TACO1: variants seen among roughly 807,000 people sequenced by gnomAD.
TACO1 encodes the protein translational activator of cytochrome c oxidase I.
TACO1 carries 13 observed loss-of-function variants against 24.0 expected under a neutral mutation model. The ratio of observed to expected loss-of-function variants is 0.54; its 90% CI spans 0.35 to 0.86. The LOEUF (loss-of-function observed/expected upper bound fraction) is 0.86, where lower values mean the gene tolerates loss of function less well. TACO1 is among the 40% of genes least tolerant of loss of function. The pLI, the probability that TACO1 is intolerant of heterozygous loss-of-function variation, is 0.01. For missense variants in TACO1, 352 were observed against 380.1 expected (o/e 0.93, Z 0.61); for synonymous variants, 149 against 153.5 (o/e 0.97, Z 0.22).
In TACO1 at chr17:63,606,130, G is replaced by A. The variant is rs75027204; in HGVS notation, c.388-183G>A. Among the ~76,000 whole-genome samples, 1,246 of 152,238 alleles carry A rather than the reference G, an allele frequency of 8.2e-3. 18 individuals are homozygous for A. Among genetic ancestry groups the A allele is most frequent in the Middle Eastern group, 0.031 (9 of 294 alleles). ...AGAAACAGACTCCTTCCAAGTTAGG[G>A]GTAGTACTTCCTGTTACCTCAAAAG... On this transcript the variant is annotated intron_variant, in intron 2 of 4. Transcript: ENST00000258975.
At chr17:63,605,607 G>A (rs974290676) in intron 2 of TACO1, among the ~76,000 whole-genome samples, 5 of 152,202 alleles carry the variant, frequency 3.3e-5, no homozygotes, top group African/African-American at 1.2e-4. Flanking sequence ...TTTAGAGCCT[G>A]TGCTCTAACC....
Position 63,608,078 on chromosome 17 carries a change from C to A in TACO1, c.*76C>A. The A allele has an allele frequency of 6.5e-7, 1 of 1,538,354 alleles. No individual in the cohort carries two copies. Among genetic ancestry groups the A allele is most frequent in the South Asian group, 1.1e-5 (1 of 88,122 alleles). On this transcript the variant is annotated 3_prime_UTR_variant, in exon 5 of 5. Transcript: ENST00000258975. ...CCAGCACACAGGCTTCTGCAGCAAT[C>A]TCTGAGGGTAAAGCCGGTGGGAGGC...
Position 63,607,302 on chromosome 17 carries a change from A to G in TACO1, c.531A>G (p.Val177=). Residue 177 remains valine, a synonymous_variant, in exon 4 of 5, where the codon GTA becomes GTG. Transcript: ENST00000258975. ...TCCCTGTCAGAGGAGTGATGGCTGT[A>G]GGAGCTCGTCACTCTTTTGACAAAA... ...ILNKNGGVMA[V]GARHSFDKKG... 1.2e-6 allele frequency: 2 copies of G among 1,613,842 alleles called. No homozygotes were observed. The highest frequency in any genetic ancestry group is 1.7e-6 in the Non-Finnish European group (2 of 1,179,950).
intron 1 of TACO1, among the ~76,000 whole-genome samples, chr17:63,602,285 A>C (rs2033828534): frequency 6.7e-6 from 1 of 148,578 alleles, no homozygotes; most frequent in Admixed American, 6.7e-5. Context: ...AAAAAAAGAG[A>C]GAGAAACTGT....
intron 1 of TACO1, among the ~76,000 whole-genome samples, 162 bp from the exon 2 acceptor site, chr17:63,604,372 G>A (rs954385313): frequency 5.3e-5 from 8 of 152,078 alleles, no homozygotes; most frequent in Admixed American, 5.2e-4. Context: ...ATACTTCTCC[G>A]TATCCCACTG....
At position 63,607,804 on chromosome 17, in the gene TACO1, T is replaced by G; in HGVS notation, c.696T>G (p.Phe232Leu). 4 of 1,613,992 alleles carry G rather than the reference T, an allele frequency of 2.5e-6. No homozygotes were observed. Among genetic ancestry groups the G allele is most frequent in the Non-Finnish European group, 3.4e-6 (4 of 1,180,006 alleles). Residue 232 changes from phenylalanine (F) to leucine (L), a missense_variant and splice_region_variant, in exon 5 of 5, where the codon TTT becomes TTG. Physicochemically the swap from Phe to Leu is conservative, Grantham distance 22 (BLOSUM62 0). Transcript: ENST00000258975. ...TCCTGACTTTCCTTTATCCCTAGTT[T>G]ATTTGTGATGCCTCTTCACTGCACC... is the stretch of plus-strand genomic sequence containing the variant. ...EDEEERNVFK[F>L]ICDASSLHQV...
At chr17:63,604,458 G>GC (rs2033847094) in intron 1 of TACO1, 76 bp from the exon 2 acceptor site, 1 of 1,325,458 alleles carries the variant, frequency 7.5e-7, no homozygotes, top group South Asian at 1.2e-5. Context: ...GGTGGGGCTG[G>GC]AAATCCCTTT....
intron 3 of TACO1, chr17:63,607,082 G>T: frequency 1.6e-6 from 1 of 613,054 alleles, no homozygotes. Context: ...CTGCAATCAG[G>T]GCAGAAAATC....
At chr17:63,603,522 G>A (rs993420707) in intron 1 of TACO1, among the ~76,000 whole-genome samples, 4 of 151,684 alleles carry the variant, frequency 2.6e-5, no homozygotes, top group African/African-American at 4.8e-5. Context: ...CCTGGCCAAC[G>A]TGGTGAAACC....
At chr17:63,602,094 A>AC (rs1207741511) in intron 1 of TACO1, among the ~76,000 whole-genome samples, 51 of 149,718 alleles carry the variant, frequency 3.4e-4, no homozygotes, top group African/African-American at 1.1e-3. Context: ...AAATAACAAA[A>AC]AAAAAAAAAA....
rs751980826 is a variant in TACO1 at position 63,606,320 on chromosome 17, AG to A, written c.397del (p.Asp133ThrfsTer36). 1 of 1,613,414 alleles carries A rather than the reference AG, an allele frequency of 6.2e-7. No homozygotes were observed. Among genetic ancestry groups the A allele is most frequent in the South Asian group, 1.1e-5 (1 of 91,056 alleles). ...TTGTGTTGTTTATTGCAGAAATCCAAGGACACTTATTTGCTGTATGAGGGTC... is the reference window on the plus strand; with the variant it reads ...TTGTGTTGTTTATTGCAGAAATCCAAGACACTTATTTGCTGTATGAGGGTC... ...IETALKMEKSKDTYLLYEGRG... is the reference protein window; with the variant it reads ...IETALKMEKSXDTYLLYEGRG... On this transcript the variant is annotated frameshift_variant, in exon 3 of 5. Transcript: ENST00000258975. LOFTEE classifies it high-confidence loss of function.
chr17:63,607,712 A>C, intron 4 of TACO1, 90 bp from the exon 5 acceptor site: 1 of 1,244,310 alleles, frequency 8.0e-7, no homozygotes, highest in Non-Finnish European at 1.2e-6. Flanking sequence ...GATCCATTCC[A>C]GTACTGACAT....
At chr17:63,604,692 T>C (rs1476682034) in intron 2 of TACO1, 52 bp downstream of exon 2, 27 of 1,513,098 alleles carry the variant, frequency 1.8e-5, no homozygotes, top group Non-Finnish European at 2.1e-5. Flanking sequence ...ACCGGGCTCA[T>C]GTCTGGATGG....
intron 4 of TACO1, 51 bp downstream of exon 4, chr17:63,607,515 G>T: frequency 6.3e-7 from 1 of 1,587,220 alleles, no homozygotes; most frequent in South Asian, 1.1e-5. Flanking sequence ...GACCCTGATA[G>T]ATGCCTTATG....
intron 3 of TACO1, 137 bp downstream of exon 3, chr17:63,606,577 C>T (rs1204857942): frequency 2.8e-6 from 3 of 1,086,892 alleles, no homozygotes; most frequent in Non-Finnish European, 4.1e-6. Context: ...CGGAGTCTCA[C>T]TCTTGTCGCC....
rs1167928083 is a variant in TACO1 at position 63,607,967 on chromosome 17, G to A, written c.859G>A (p.Glu287Lys). 12 of 1,614,086 alleles carry A rather than the reference G, an allele frequency of 7.4e-6. No homozygotes were observed. The highest frequency in any genetic ancestry group is 3.3e-5 in the Admixed American group (2 of 59,996). The change falls in exon 5 of 5, where the codon GAG (glutamate) becomes AAG (lysine). Residue 287 changes from glutamate to lysine, a missense_variant. By Grantham distance (56) the Glu-to-Lys change is moderately conservative. Coordinates refer to ENST00000258975, the MANE Select transcript of TACO1 (RefSeq NM_016360.4). ...AHLIQALSNH[E>K]DVIHVYDNIE ...TCTCATTCAGGCTCTCAGCAACCAC[G>A]AGGATGTGATTCACGTCTATGATAA...
chr17:63,601,178 C>T lies in TACO1; in HGVS notation c.95C>T (p.Pro32Leu). The change falls in exon 1 of 5, where the codon CCC (proline) becomes CTC (leucine). Residue 32 changes from proline to leucine, a missense_variant. Transcript: ENST00000258975. ...PGVRAAPPRDPRPSHPEPRGC... is the reference protein window; with the variant it reads ...PGVRAAPPRDLRPSHPEPRGC... The stretch of plus-strand genomic sequence containing the variant: ...GTCAGGGCGGCTCCTCCGCGCGACC[C>T]CCGGCCCTCCCACCCCGAGCCCCGG... The T allele has an allele frequency of 6.5e-7, 1 of 1,549,826 alleles. No individual in the cohort carries two copies. Among genetic ancestry groups the T allele is most frequent in the Non-Finnish European group, 8.7e-7 (1 of 1,147,770 alleles).
intron 1 of TACO1, among the ~76,000 whole-genome samples, chr17:63,603,060 G>A (rs1337526377): frequency 6.6e-6 from 1 of 151,616 alleles, no homozygotes; most frequent in Non-Finnish European, 1.5e-5. Flanking sequence ...GTGAAACCCC[G>A]TCTCTACTAA....
At chr17:63,602,563 G>A (rs960615327) in intron 1 of TACO1, among the ~76,000 whole-genome samples, 2 of 151,844 alleles carry the variant, frequency 1.3e-5, no homozygotes. Context: ...GTCTCACTCT[G>A]TCACCCAGGG....
Sources: allele counts gnomAD v4.1 joint callset (sites outside exome capture counted in the v4.1 genomes callset), GRCh38; gene constraint gnomAD v4.1.1; transcripts MANE v1.5; gene names NCBI Gene and HGNC (gene_info 2026-07-23, HGNC 2026-07-21).